FRMD4A: variants seen among roughly 807,000 people sequenced by gnomAD.
FRMD4A encodes FERM domain containing 4A, also known as FERM domain-containing protein 4A.
Under a neutral mutation model 129.1 loss-of-function variants are expected in FRMD4A, and 29 were observed. That is an observed-to-expected ratio of 0.22 (90% CI 0.17 to 0.31). FRMD4A has a LOEUF of 0.31. FRMD4A is among the 10% of genes least tolerant of loss of function. FRMD4A has a pLI of 1.00. For missense variants in FRMD4A, 1,272 were observed against 1,375.8 expected, an observed-to-expected ratio of 0.92 and a Z score of 1.19; for synonymous variants, 634 against 571.6, an observed-to-expected ratio of 1.11 and a Z score of -1.56.
At chr10:13,801,530 TAAAGGCTTGTAGAAGTCTCTC>T (rs1318383400) in intron 4 of FRMD4A, among the ~76,000 whole-genome samples, 1 of 152,000 alleles carries the variant, frequency 6.6e-6, no homozygotes, top group Non-Finnish European at 1.5e-5. Flanking sequence ...GCCTCCACTT[TAAAGGCTTGTAGAAGTCTCTC>T]AATGAAGGCT....
chr10:13,959,913 G>A (rs556203701), intron 2 of FRMD4A, among the ~76,000 whole-genome samples: 24 of 152,308 alleles, frequency 1.6e-4, no homozygotes, highest in Admixed American at 4.6e-4. Flanking sequence ...AACACGAACC[G>A]CAGGTTATTT....
rs138365721 is a variant in FRMD4A, at chr10:13,949,795, G to A, written c.46-90883C>T. Among the ~76,000 whole-genome samples, 232 of 152,310 alleles carry A rather than the reference G, an allele frequency of 1.5e-3. 2 individuals are homozygous for A. In the East Asian group the frequency reaches 0.033, roughly 22 times the overall value. Reference sequence around the variant, plus strand: ...AGTCACACAGTTAATAAATGCTACCGAGTTGATACTGGAGCCTAGGTTTTC... The same window carrying A: ...AGTCACACAGTTAATAAATGCTACCAAGTTGATACTGGAGCCTAGGTTTTC... On this transcript the variant is annotated intron_variant, in intron 2 of 24. Transcript: ENST00000357447.
At chr10:14,065,062 C>A (rs901402194) in intron 2 of FRMD4A, among the ~76,000 whole-genome samples, 2 of 152,150 alleles carry the variant, frequency 1.3e-5, no homozygotes, top group East Asian at 3.8e-4. Flanking sequence ...TAGGGAGTGC[C>A]AAATCCATGT....
At chr10:13,659,283 A>T in intron 21 of FRMD4A, 40 bp downstream of exon 21, 2 of 1,589,056 alleles carry the variant, frequency 1.3e-6, no homozygotes, top group Non-Finnish European at 1.7e-6. Context: ...AATTTTAAAA[A>T]GGAAGGCTTG....
At chr10:13,713,731 A>C (rs920292667) in intron 12 of FRMD4A, among the ~76,000 whole-genome samples, 6 of 149,148 alleles carry the variant, frequency 4.0e-5, no homozygotes, top group African/African-American at 1.5e-4. Context: ...ATTGGAGCAC[A>C]GCCGGTTCTA....
chr10:13,855,869 G>A (rs11818012), intron 3 of FRMD4A, among the ~76,000 whole-genome samples: 2 of 151,864 alleles, frequency 1.3e-5, no homozygotes, highest in South Asian at 2.1e-4. Flanking sequence ...AAAAAAAAGA[G>A]TGATAGATTT....
chr10:13,761,784 T>C, intron 7 of FRMD4A, 115 bp from the exon 8 acceptor site: 1 of 684,864 alleles, frequency 1.5e-6, no homozygotes. Flanking sequence ...TTCAGCTTCC[T>C]GCAGTTATCA....
chr10:14,292,429 A>C (rs1398296511), intron 2 of FRMD4A, among the ~76,000 whole-genome samples: 2 of 152,244 alleles, frequency 1.3e-5, no homozygotes, highest in African/African-American at 4.8e-5. Context: ...ACATCATTCC[A>C]AATGCAAAAA....
At position 13,759,932 on chromosome 10, in the gene FRMD4A, T is replaced by C. The variant is rs892685375; in HGVS notation, c.464+1715A>G. Among the ~76,000 whole-genome samples the C allele has an allele frequency of 4.6e-5, 7 of 151,990 alleles. No individual in the cohort carries two copies. In the East Asian group the frequency reaches 1.4e-3, roughly 29 times the overall value. On this transcript the variant is annotated intron_variant, in intron 8 of 24. Transcript: ENST00000357447. Reference sequence around the variant, plus strand: ...AGAGCTGAAGAGATGGCATTTGAGATCAGAGTCAGCAACTACAACCCCCTA... The same window carrying C: ...AGAGCTGAAGAGATGGCATTTGAGACCAGAGTCAGCAACTACAACCCCCTA...
intron 2 of FRMD4A, among the ~76,000 whole-genome samples, chr10:13,986,878 T>G (rs1242749393): frequency 3.9e-5 from 6 of 151,954 alleles, no homozygotes; most frequent in Non-Finnish European, 8.8e-5. Context: ...GATGAGTTCT[T>G]CAATTCACAA....
chr10:13,662,684 A>C (rs2082725551), intron 19 of FRMD4A, among the ~76,000 whole-genome samples: 1 of 152,138 alleles, frequency 6.6e-6, no homozygotes, highest in Non-Finnish European at 1.5e-5. Context: ...AAATAATAAG[A>C]CAGTTTTCCA....
chr10:14,204,939 C>T (rs1031079367), intron 2 of FRMD4A, among the ~76,000 whole-genome samples: 7 of 152,164 alleles, frequency 4.6e-5, no homozygotes, highest in Non-Finnish European at 1.0e-4. Flanking sequence ...CAACAGAGCC[C>T]GGAGAGCCAC....
chr10:14,244,324 T>C (rs1027894535), intron 2 of FRMD4A, among the ~76,000 whole-genome samples: 3 of 152,174 alleles, frequency 2.0e-5, no homozygotes, highest in African/African-American at 7.2e-5. Flanking sequence ...CTGGCCCCCT[T>C]GTGGTTAGGT....
intron 2 of FRMD4A, among the ~76,000 whole-genome samples, chr10:14,037,896 T>G (rs981272360): frequency 6.6e-6 from 1 of 152,210 alleles, no homozygotes; most frequent in African/African-American, 2.4e-5. Flanking sequence ...CCAAGACCAA[T>G]TCCCTTTTTT....
intron 8 of FRMD4A, 139 bp downstream of exon 8, chr10:13,761,507 CA>C: frequency 1.5e-6 from 1 of 659,216 alleles, no homozygotes; most frequent in Non-Finnish European, 2.7e-6. Context: ...TTTCAGTGGA[CA>C]AGTTGAGAGT....
rs145014168 is a variant in FRMD4A at position 14,125,885 on chromosome 10, A to G, written c.45+204173T>C. 4.5e-3 allele frequency among the ~76,000 whole-genome samples: 682 copies of G among 152,320 alleles called. 5 individuals carry two copies. Among genetic ancestry groups the G allele is most frequent in the East Asian group, 0.035 (180 of 5,184 alleles). ...AAAACAAAACAAAACAAAACAGAAC[A>G]AAACAAAACAAAACAAAAACAGGGT... On this transcript the variant is annotated intron_variant, in intron 2 of 24. Transcript: ENST00000357447.
chr10:13,684,661 G>A (rs1442329067), intron 15 of FRMD4A: 3 of 985,210 alleles, frequency 3.0e-6, no homozygotes, highest in Non-Finnish European at 3.6e-6. Context: ...TCTGCCAGGA[G>A]GACGTTGTCA....
intron 2 of FRMD4A, among the ~76,000 whole-genome samples, chr10:14,210,239 A>G (rs1842898074): frequency 6.6e-6 from 1 of 152,162 alleles, no homozygotes; most frequent in Non-Finnish European, 1.5e-5. Context: ...AAATGGGCCC[A>G]AGGGAGGTCT....
chr10:14,286,235 C>G (rs1845676950), intron 2 of FRMD4A, among the ~76,000 whole-genome samples: 2 of 152,196 alleles, frequency 1.3e-5, no homozygotes, highest in South Asian at 4.1e-4. Context: ...CTCTCATCCT[C>G]TCAACACTGA....
Sources: allele counts gnomAD v4.1 joint callset (sites outside exome capture counted in the v4.1 genomes callset), GRCh38; gene constraint gnomAD v4.1.1; transcripts MANE v1.5; gene names NCBI Gene and HGNC (gene_info 2026-07-23, HGNC 2026-07-21).